The following KIF13A variants were observed in gnomAD, a reference collection of about 807,000 sequenced individuals.
KIF13A encodes kinesin family member 13A.
In KIF13A, 79 loss-of-function variants were observed where a neutral mutation model predicts 212.2. The ratio of observed to expected loss-of-function variants is 0.37; its 90% CI spans 0.31 to 0.45. The LOEUF (loss-of-function observed/expected upper bound fraction) is 0.45. Ranked by LOEUF, KIF13A falls within the 20% of genes least tolerant of loss-of-function variation. The pLI is 1.00. For missense variants in KIF13A, 1,901 were observed against 2,209.0 expected (o/e 0.86, Z 2.79); for synonymous variants, 789 against 808.6 (o/e 0.98, Z 0.41).
Position 17,816,974 on chromosome 6 carries a change from C to G in KIF13A, c.2000+46G>C. ...CAAAAACCCCTCCCTCAAAGACCCACGGCCTTGGGGCCTTGACTCTGGGCT... is the reference window on the plus strand; with the variant it reads ...CAAAAACCCCTCCCTCAAAGACCCAGGGCCTTGGGGCCTTGACTCTGGGCT... On this transcript the variant is annotated intron_variant, in intron 17 of 38. Transcript: ENST00000259711. This position sits in a 1 kb window ranked among gnomAD's most constrained non-coding sequence, Gnocchi z 4.3. 4 of 1,516,086 alleles carry G rather than the reference C, an allele frequency of 2.6e-6. No homozygotes were observed. The highest frequency in any genetic ancestry group is 1.2e-5 in the South Asian group (1 of 84,624). The allele number at this position is 1,516,086 out of a possible 1,614,324, so 93.9% of individuals were successfully genotyped here. A position where few individuals can be genotyped will look rare whatever the true frequency, so the allele number is the denominator to read the frequency against.
At chr6:17,857,775 C>A (rs974485671) in intron 4 of KIF13A, among the ~76,000 whole-genome samples, 1 of 152,186 alleles carries the variant, frequency 6.6e-6, no homozygotes, top group African/African-American at 2.4e-5. Context: ...TATGCCTACA[C>A]TGCCTGACCC....
chr6:17,940,318 G>A (rs1385526799), intron 2 of KIF13A, among the ~76,000 whole-genome samples: 2 of 152,156 alleles, frequency 1.3e-5, no homozygotes, highest in African/African-American at 4.8e-5. Flanking sequence ...CTGTAAATCC[G>A]TGGTGGGTCC....
intron 38 of KIF13A, among the ~76,000 whole-genome samples, chr6:17,765,520 C>G (rs1758864786): frequency 6.6e-6 from 1 of 152,182 alleles, no homozygotes; most frequent in Non-Finnish European, 1.5e-5. Flanking sequence ...TTATATTATG[C>G]TACATATCGT....
At chr6:17,791,830 A>T (rs995035178) in intron 25 of KIF13A, among the ~76,000 whole-genome samples, 4 of 145,438 alleles carry the variant, frequency 2.8e-5, no homozygotes, top group African/African-American at 5.1e-5. Flanking sequence ...AACCAGGGAG[A>T]TGGAAGATGC....
chr6:17,968,649 C>A lies in KIF13A; in HGVS notation c.146+18405G>T, dbSNP rs147166865. ...TGTGAACTTTGTCAAAGACTGGTGA[C>A]CTCCTGGCTGGACCAACCATTACTT... is the stretch of plus-strand genomic sequence containing the variant. On this transcript the variant is annotated intron_variant, in intron 2 of 38. Transcript: ENST00000259711. This position sits in a 1 kb window ranked among gnomAD's most constrained non-coding sequence, Gnocchi z 4.7. Among the ~76,000 whole-genome samples, 5 of 152,332 alleles carry A rather than the reference C, an allele frequency of 3.3e-5. No individual in the cohort carries two copies. Among genetic ancestry groups the A allele is most frequent in the African/African-American group, 1.2e-4 (5 of 41,566 alleles).
Position 17,764,418 on chromosome 6 carries a change from C to T in KIF13A, c.5110G>A (p.Ala1704Thr), listed in dbSNP as rs1758761358. The T allele has an allele frequency of 6.2e-7, 1 of 1,614,012 alleles. No individual in the cohort carries two copies. Among genetic ancestry groups the T allele is most frequent in the Non-Finnish European group, 8.5e-7 (1 of 1,179,888 alleles). Residue 1704 changes from alanine to threonine, a missense_variant, in exon 39 of 39, where the codon GCC (alanine) becomes ACC (threonine). By Grantham distance (58) the Ala-to-Thr change is moderately conservative. This residue lies in a region of KIF13A where 687 missense variants were observed against 759.1 expected (regional missense o/e 0.90). Coordinates refer to ENST00000259711, the MANE Select transcript of KIF13A (RefSeq NM_022113.6). The surrounding 1 kb of genome is among the most constrained non-coding windows in gnomAD (Gnocchi z 5.1). ...GGCTGGCTAATTTTGCTGGGGCAGG[C>T]ATCTAGTTCTGAACATGAGCCAGTC... ...CRTGSCSELD[A>T]CPSKISQPAR...
chr6:17,937,403 G>C (rs567794577), intron 2 of KIF13A, among the ~76,000 whole-genome samples: 1 of 152,296 alleles, frequency 6.6e-6, no homozygotes, highest in South Asian at 2.1e-4. Flanking sequence ...AATTGTTTTA[G>C]TCCTTCGACC....
rs1314022080 is a variant in KIF13A, at chr6:17,789,712, T to C, written c.3261+160A>G. Among the ~76,000 whole-genome samples, 3 of 152,296 alleles carry C rather than the reference T, an allele frequency of 2.0e-5. No individual in the cohort carries two copies. The highest frequency in any genetic ancestry group is 3.4e-3 in the Middle Eastern group (1 of 294). On this transcript the variant is annotated intron_variant, in intron 26 of 38. Coordinates refer to ENST00000259711, the MANE Select transcript of KIF13A (RefSeq NM_022113.6). The surrounding 1 kb of genome is among the most constrained non-coding windows in gnomAD (Gnocchi z 4.8). ...ACTGACAAGGCATCTATAGAAATAA[T>C]ATTGTGTTTGAATACATATAAAGCA...
At chr6:17,823,612 C>G (rs1325184823) in intron 16 of KIF13A, among the ~76,000 whole-genome samples, 1 of 151,926 alleles carries the variant, frequency 6.6e-6, no homozygotes, top group Non-Finnish European at 1.5e-5. Flanking sequence ...GGATTTCAGG[C>G]ATTCACCACC....
At chr6:17,896,070 C>T (rs780863365) in intron 3 of KIF13A, among the ~76,000 whole-genome samples, 30 of 152,176 alleles carry the variant, frequency 2.0e-4, no homozygotes, top group Non-Finnish European at 4.0e-4. Flanking sequence ...GACTCCAGTC[C>T]TACTCTGTTG....
chr6:17,950,156 T>C (rs1325769309), intron 2 of KIF13A, among the ~76,000 whole-genome samples: 2 of 152,182 alleles, frequency 1.3e-5, no homozygotes. Context: ...CCATGTTATT[T>C]TGTAAATCCT....
Position 17,816,008 on chromosome 6 carries a change from A to C in KIF13A, c.2000+1012T>G, listed in dbSNP as rs772982897. Among the ~76,000 whole-genome samples, 1 of 151,332 alleles carries C rather than the reference A, an allele frequency of 6.6e-6. No homozygotes were observed. The highest frequency in any genetic ancestry group is 1.5e-5 in the Non-Finnish European group (1 of 67,926). On this transcript the variant is annotated intron_variant, in intron 17 of 38. Coordinates refer to ENST00000259711, the MANE Select transcript of KIF13A (RefSeq NM_022113.6). The surrounding 1 kb of genome is among the most constrained non-coding windows in gnomAD (Gnocchi z 4.3). ...CTGTAACCATTGCCTCCTGGGTTCA[A>C]GCGATTCTCCTGCCTCAGCCTCCCA...
rs1774360544 is a variant in KIF13A at position 17,914,835 on chromosome 6, C to T, written c.147-16655G>A. ...GAGAAAACATGGCTCTTGTGCAATTCTCTTGTCATGTCTTCAAAAGTATCA... is the reference window on the plus strand; with the variant it reads ...GAGAAAACATGGCTCTTGTGCAATTTTCTTGTCATGTCTTCAAAAGTATCA... On this transcript the variant is annotated intron_variant, in intron 2 of 38. Coordinates refer to ENST00000259711, the MANE Select transcript of KIF13A (RefSeq NM_022113.6). The surrounding 1 kb of genome is among the most constrained non-coding windows in gnomAD (Gnocchi z 5.9). 6.6e-6 allele frequency among the ~76,000 whole-genome samples: 1 copy of T among 152,212 alleles called. No individual in the cohort carries two copies. The highest frequency in any genetic ancestry group is 2.4e-5 in the African/African-American group (1 of 41,470).
In KIF13A at chr6:17,837,038, G is replaced by A; in HGVS notation, c.995C>T (p.Ala332Val). The A allele has an allele frequency of 1.9e-6, 3 of 1,613,980 alleles. No individual in the cohort carries two copies. The highest frequency in any genetic ancestry group is 2.5e-6 in the Non-Finnish European group (3 of 1,179,894). The change falls in exon 11 of 39, where the codon GCC becomes GTC. Residue 332 changes from alanine (A) to valine (V), a missense_variant. This residue lies in a region of KIF13A where 506 missense variants were observed against 637.4 expected (regional missense o/e 0.79). Transcript: ENST00000259711. The surrounding 1 kb of genome is among the most constrained non-coding windows in gnomAD (Gnocchi z 5.4). Reference protein sequence around the residue: ...QTSMIATISPAADNYEETLST... With the variant: ...QTSMIATISPVADNYEETLST... ...GAGGGTCTCTTCATAGTTGTCTGCG[G>A]CTGGGCTGATTGTGGCTATCATAGA...
intron 4 of KIF13A, among the ~76,000 whole-genome samples, chr6:17,858,913 C>T (rs1768423803): frequency 6.6e-6 from 1 of 150,436 alleles, no homozygotes; most frequent in South Asian, 2.1e-4. Context: ...AAAAGCCCAA[C>T]AGCTTGAGTT....
chr6:17,792,484 A>G (rs578125089), intron 25 of KIF13A, among the ~76,000 whole-genome samples: 1 of 152,332 alleles, frequency 6.6e-6, no homozygotes, highest in East Asian at 1.9e-4. Context: ...ACTAGACTTA[A>G]GAACCCAGGT....
chr6:17,975,482 C>T (rs1297638519), intron 2 of KIF13A, among the ~76,000 whole-genome samples: 1 of 152,116 alleles, frequency 6.6e-6, no homozygotes, highest in Non-Finnish European at 1.5e-5. Context: ...GTGAGCGTTA[C>T]AGCTTATAAA....
At chr6:17,913,841 T>C (rs945383177) in intron 2 of KIF13A, among the ~76,000 whole-genome samples, 6 of 152,140 alleles carry the variant, frequency 3.9e-5, no homozygotes, top group Non-Finnish European at 7.3e-5. Context: ...GAAACCAACT[T>C]TCAGGGAAGT....
At chr6:17,803,442 T>C (rs1210085614) in intron 20 of KIF13A, among the ~76,000 whole-genome samples, 3 of 152,142 alleles carry the variant, frequency 2.0e-5, no homozygotes, top group African/African-American at 7.2e-5. Context: ...CCCGGGTCTA[T>C]ATCGCAGCTT....
Sources: allele counts gnomAD v4.1 joint callset (sites outside exome capture counted in the v4.1 genomes callset), GRCh38; gene constraint gnomAD v4.1.1; regional missense constraint gnomAD v4.1.1; non-coding constraint Gnocchi (gnomAD v3.1); transcripts MANE v1.5; gene names NCBI Gene and HGNC (gene_info 2026-07-23, HGNC 2026-07-21).